Variants in CYYR1 observed in about 807,000 individuals in gnomAD.
CYYR1 encodes cysteine and tyrosine rich 1, also known as cysteine and tyrosine-rich protein 1.
A neutral mutation model predicts 15.2 loss-of-function variants in CYYR1; 14 were observed. The ratio of observed to expected loss-of-function variants is 0.92; its 90% CI spans 0.61 to 1.44. The LOEUF (loss-of-function observed/expected upper bound fraction) is 1.44, where lower values mean the gene tolerates loss of function less well. Among genes scored for constraint, CYYR1 ranks in the 40% most tolerant of loss-of-function variants. The pLI is 0.00. For synonymous variants in CYYR1, 80 were observed against 77.4 expected, an observed-to-expected ratio of 1.03 and a Z score of -0.18; for missense variants, 228 against 209.5, an observed-to-expected ratio of 1.09 and a Z score of -0.54.
chr21:26,470,513 T>C (rs1310081577), intron 3 of CYYR1: 1 of 152,132 alleles, frequency 6.6e-6, no homozygotes, highest in East Asian at 1.9e-4. Context: ...TGTTTCAAAG[T>C]GTGTAGCACT....
At chr21:26,520,105 A>C (rs1316222692) in intron 2 of CYYR1, among the ~76,000 whole-genome samples, 5 of 83,082 alleles carry the variant, frequency 6.0e-5, no homozygotes, top group African/African-American at 2.3e-4. Flanking sequence ...CTAAAAAAAA[A>C]CCCAGGAGAT....
chr21:26,477,835 T>C, intron 3 of CYYR1: 1 of 1,202,686 alleles, frequency 8.3e-7, no homozygotes, highest in Non-Finnish European at 1.0e-6. Flanking sequence ...TAAATAATAA[T>C]AAAAATAATT....
chr21:26,475,888 T>A (rs2065096855), intron 3 of CYYR1, among the ~76,000 whole-genome samples: 1 of 152,208 alleles, frequency 6.6e-6, no homozygotes, highest in African/African-American at 2.4e-5. Context: ...GGCATCTTCA[T>A]AGTCACAATA....
intron 2 of CYYR1, among the ~76,000 whole-genome samples, chr21:26,518,255 C>T (rs1380219994): frequency 6.6e-6 from 1 of 152,042 alleles, no homozygotes. Context: ...ATCTTTTTTG[C>T]CCTGTGTTCT....
intron 2 of CYYR1, among the ~76,000 whole-genome samples, chr21:26,542,992 T>G (rs1002898770): frequency 2.0e-5 from 3 of 152,228 alleles, no homozygotes; most frequent in African/African-American, 7.2e-5. Context: ...TCAACACAAT[T>G]TTTTGAAAAG....
intron 2 of CYYR1, among the ~76,000 whole-genome samples, chr21:26,530,046 T>A (rs1420936127): frequency 6.6e-6 from 1 of 152,200 alleles, no homozygotes; most frequent in Non-Finnish European, 1.5e-5. Flanking sequence ...TCTACAACTA[T>A]AGTAAATAAA....
chr21:26,479,684 G>A (rs1209729922), intron 3 of CYYR1, among the ~76,000 whole-genome samples: 1 of 150,346 alleles, frequency 6.7e-6, no homozygotes, highest in Admixed American at 6.6e-5. Context: ...TTTTTCTTTT[G>A]TATTTTTAGT....
chr21:26,467,546 A>G lies in CYYR1; in HGVS notation c.*955T>C, dbSNP rs2123344912. The G allele has an allele frequency of 6.6e-6, 1 of 152,294 alleles. No individual in the cohort carries two copies. 9.4% of individuals were successfully genotyped at this position (152,294 alleles called of 1,614,324 possible). A position where few individuals can be genotyped will look rare whatever the true frequency, so the allele number is the denominator to read the frequency against. Reference sequence around the variant, plus strand: ...CTGAGATTTTTGCTCCCTGACCTAAAATCCTGTGGGAATAATTGATTTCTC... The same window carrying G: ...CTGAGATTTTTGCTCCCTGACCTAAGATCCTGTGGGAATAATTGATTTCTC... On this transcript the variant is annotated 3_prime_UTR_variant, in exon 4 of 4. Transcript: ENST00000652641.
At chr21:26,528,582 C>T (rs2065893523) in intron 2 of CYYR1, among the ~76,000 whole-genome samples, 1 of 152,142 alleles carries the variant, frequency 6.6e-6, no homozygotes, top group Non-Finnish European at 1.5e-5. Context: ...TGCTATGCTT[C>T]CTGTACAGCC....
chr21:26,555,647 C>T (rs1437983640), intron 2 of CYYR1, among the ~76,000 whole-genome samples: 6 of 152,232 alleles, frequency 3.9e-5, no homozygotes, highest in East Asian at 1.9e-4. Flanking sequence ...GAGTTACCAT[C>T]GGCTAAATAG....
At chr21:26,480,150 C>T (rs2065155049) in intron 3 of CYYR1, 122 bp downstream of exon 3, 6 of 996,490 alleles carry the variant, frequency 6.0e-6, no homozygotes, top group South Asian at 2.0e-5. Context: ...CTACATGTAC[C>T]TAGAAATACT....
intron 3 of CYYR1, among the ~76,000 whole-genome samples, chr21:26,473,093 C>G (rs945398177): frequency 2.0e-5 from 3 of 152,070 alleles, no homozygotes; most frequent in African/African-American, 7.2e-5. Flanking sequence ...CTGTTCTATT[C>G]CAATGACCAA....
In CYYR1 at chr21:26,512,465, G is replaced by A. The variant is rs138832878; in HGVS notation, c.177-32036C>T. Among the ~76,000 whole-genome samples, 1,007 of 152,176 alleles carry A rather than the reference G, an allele frequency of 6.6e-3. 28 individuals carry two copies. Among genetic ancestry groups the A allele is most frequent in the Admixed American group, 0.049 (755 of 15,280 alleles). On this transcript the variant is annotated intron_variant, in intron 2 of 3. Transcript: ENST00000652641. ...TGATCCACCTGCCTTGGCCCCCAAA[G>A]TGCTGGGATCACAGCGTGAGCCACC...
chr21:26,558,907 T>A (rs1601830832), intron 2 of CYYR1, among the ~76,000 whole-genome samples: 1 of 152,330 alleles, frequency 6.6e-6, no homozygotes, highest in African/African-American at 2.4e-5. Flanking sequence ...AATGTTTTGC[T>A]ATTTTTTAAA....
rs1970103567 is a variant in CYYR1, at chr21:26,466,299, TC to T, written c.*2201del. ...ATGTTAGTTTTTAAATAACCGTAAT[TC>T]AAAACTTTCACATCCTATACTATTT... is the stretch of plus-strand genomic sequence containing the variant. On this transcript the variant is annotated 3_prime_UTR_variant, in exon 4 of 4. Coordinates refer to ENST00000652641, the MANE Select transcript of CYYR1 (RefSeq NM_001320768.2). 6.6e-6 allele frequency: 1 copy of T among 152,222 alleles called. No homozygotes were observed. Among genetic ancestry groups the T allele is most frequent in the Non-Finnish European group, 1.5e-5 (1 of 68,044 alleles). The allele number at this position is 152,222 out of a possible 1,614,324, so 9.4% of individuals were successfully genotyped here.
chr21:26,507,229 A>G (rs1181427114), intron 2 of CYYR1, among the ~76,000 whole-genome samples: 1 of 152,244 alleles, frequency 6.6e-6, no homozygotes, highest in East Asian at 1.9e-4. Flanking sequence ...TTATTGCAGT[A>G]TTCAACAAAA....
chr21:26,483,428 A>T, intron 2 of CYYR1: 1 of 956,516 alleles, frequency 1.0e-6, no homozygotes, highest in Non-Finnish European at 1.2e-6. Flanking sequence ...AAAAAAAAAA[A>T]GCTTGAAGTA....
intron 2 of CYYR1, among the ~76,000 whole-genome samples, chr21:26,553,599 T>C (rs1384100179): frequency 1.3e-5 from 2 of 152,134 alleles, no homozygotes; most frequent in African/African-American, 4.8e-5. Flanking sequence ...GGTAAATTTA[T>C]GGCTAGTTGG....
At chr21:26,542,761 A>G (rs2050951766) in intron 2 of CYYR1, among the ~76,000 whole-genome samples, 2 of 152,206 alleles carry the variant, frequency 1.3e-5, no homozygotes, top group South Asian at 4.1e-4. Context: ...AGATGTACAA[A>G]GTGAATTTAG....
Sources: allele counts gnomAD v4.1 joint callset (sites outside exome capture counted in the v4.1 genomes callset), GRCh38; gene constraint gnomAD v4.1.1; transcripts MANE v1.5; gene names NCBI Gene and HGNC (gene_info 2026-07-23, HGNC 2026-07-21).